Variants in GNB1 observed in about 807,000 individuals in gnomAD.
GNB1 encodes the protein G protein subunit beta 1.
A neutral mutation model predicts 42.9 loss-of-function variants in GNB1; 2 were observed. The ratio of observed to expected loss-of-function variants is 0.05; its 90% confidence interval spans 0.02 to 0.15. GNB1 has a LOEUF of 0.15. GNB1 is among the 10% of genes least tolerant of loss of function. GNB1 has a pLI of 1.00. For synonymous variants in GNB1, 183 were observed against 174.7 expected, an observed-to-expected ratio of 1.05 and a Z score of -0.38; for missense variants, 193 against 462.2, an observed-to-expected ratio of 0.42 and a Z score of 5.34.
rs754181534 is a variant in GNB1, at chr1:1,806,487, G to A, written c.255C>T (p.Tyr85=). Residue 85 remains tyrosine, a synonymous_variant, in exon 6 of 12, where the codon TAC becomes TAT. Transcript: ENST00000378609. ...QDGKLIIWDS[Y]TTNKVHAIPL... is the part of the protein sequence containing the mutation. ...CTCCAGTCCCTACCTTGTTGGTGGT[G>A]TAGCTGTCCCAGATGATAAGTTTAC... The A allele has an allele frequency of 1.3e-5, 21 of 1,605,738 alleles. No homozygotes were observed. The highest frequency in any genetic ancestry group is 2.2e-5 in the East Asian group (1 of 44,872).
chr1:1,805,313 A>T (rs1454734009), intron 6 of GNB1, among the ~76,000 whole-genome samples: 1 of 151,396 alleles, frequency 6.6e-6, no homozygotes, highest in Non-Finnish European at 1.5e-5. Context: ...TACAAAAATT[A>T]GCTGGGTGTG....
intron 3 of GNB1, among the ~76,000 whole-genome samples, chr1:1,824,066 C>G (rs1418005262): frequency 6.6e-6 from 1 of 152,096 alleles, no homozygotes; most frequent in East Asian, 1.9e-4. Context: ...GCTTCCTGTA[C>G]AGCGACACTC....
At chr1:1,833,901 C>G (rs1307767876) in intron 2 of GNB1, among the ~76,000 whole-genome samples, 1 of 152,126 alleles carries the variant, frequency 6.6e-6, no homozygotes, top group African/African-American at 2.4e-5. Flanking sequence ...GACCAAAGCT[C>G]TAGAACTAGA....
At chr1:1,818,603 C>T (rs1646888697) in intron 3 of GNB1, among the ~76,000 whole-genome samples, 3 of 152,126 alleles carry the variant, frequency 2.0e-5, no homozygotes, top group South Asian at 4.1e-4. Flanking sequence ...TGGCTGACAC[C>T]TATAATCCCA....
In GNB1 at chr1:1,821,850, A is replaced by ATTTG. The variant is rs1350917573; in HGVS notation, c.57+3543_57+3546dup. On this transcript the variant is annotated intron_variant, in intron 3 of 11. Transcript: ENST00000378609. The stretch of plus-strand genomic sequence containing the variant: ...TTTTAGATATACTGCCTTAGATAAA[A>ATTTG]TTTGTTGGGCCAGGCATGGTGGTTC... Among the ~76,000 whole-genome samples the ATTTG allele has an allele frequency of 7.2e-5, 11 of 152,318 alleles. No individual in the cohort carries two copies. In the East Asian group the frequency reaches 1.9e-3, roughly 27 times the overall value.
chr1:1,807,395 C>T (rs564981745), intron 5 of GNB1, among the ~76,000 whole-genome samples: 2 of 122,332 alleles, frequency 1.6e-5, no homozygotes, highest in East Asian at 5.7e-4. Flanking sequence ...ACCCAGGAGG[C>T]GGGGGTTGCA....
intron 3 of GNB1, among the ~76,000 whole-genome samples, chr1:1,821,673 T>G (rs1646931544): frequency 6.6e-6 from 1 of 152,194 alleles, no homozygotes; most frequent in South Asian, 2.1e-4. Flanking sequence ...ACAAAGCAGC[T>G]AGGCGCCTCT....
chr1:1,788,842 G>A (rs78460602), intron 10 of GNB1: 9 of 531,298 alleles, frequency 1.7e-5, no homozygotes, highest in Admixed American at 3.1e-5. Flanking sequence ...AGCCCTCCCC[G>A]ACGCATGTGG....
chr1:1,841,291 C>T (rs1397234917), intron 1 of GNB1, among the ~76,000 whole-genome samples: 5 of 151,448 alleles, frequency 3.3e-5, no homozygotes, highest in African/African-American at 9.7e-5. Context: ...CAGGTTCCAG[C>T]GATTTTCCTG....
chr1:1,832,036 C>T (rs1489475641), intron 2 of GNB1, among the ~76,000 whole-genome samples: 1 of 143,172 alleles, frequency 7.0e-6, no homozygotes, highest in African/African-American at 2.6e-5. Flanking sequence ...ACACTCTAGC[C>T]TGAGCACATG....
In GNB1 at chr1:1,789,289, C is replaced by G. The variant is rs762017151; in HGVS notation, c.700-20G>C. The G allele has an allele frequency of 4.3e-6, 6 of 1,389,024 alleles. No homozygotes were observed. The South Asian group carries it at 6.9e-5, about 16-fold the overall frequency. The allele number at this position is 1,389,024 out of a possible 1,614,324, so 86.0% of individuals were successfully genotyped here. ...AAAGAACTGGAAAGAGAAAGCAAATCAAGACATCATGTAAACGCTCAGAAA... is the reference window on the plus strand; with the variant it reads ...AAAGAACTGGAAAGAGAAAGCAAATGAAGACATCATGTAAACGCTCAGAAA... On this transcript the variant is annotated intron_variant, in intron 9 of 11. Coordinates refer to ENST00000378609, the MANE Select transcript of GNB1 (RefSeq NM_002074.5).
At position 1,835,652 on chromosome 1, in the gene GNB1, T is replaced by C. The variant is rs899020979; in HGVS notation, c.-47+3538A>G. On this transcript the variant is annotated intron_variant, in intron 2 of 11. Transcript: ENST00000378609. ...AGTGGAGTTAATCAGATAGATGTGATACTTTGAAATCTGTGCATGTTGTTA... is the reference window on the plus strand; with the variant it reads ...AGTGGAGTTAATCAGATAGATGTGACACTTTGAAATCTGTGCATGTTGTTA... 2.4e-4 allele frequency among the ~76,000 whole-genome samples: 36 copies of C among 152,148 alleles called. 1 individual carries two copies. Among genetic ancestry groups the C allele is most frequent in the Admixed American group, 1.9e-3 (29 of 15,268 alleles).
chr1:1,797,795 C>T (rs533149195), intron 7 of GNB1, among the ~76,000 whole-genome samples: 27 of 152,346 alleles, frequency 1.8e-4, no homozygotes, highest in African/African-American at 5.5e-4. Flanking sequence ...CCTACCTGCA[C>T]CCTGGAGAAC....
At chr1:1,865,025 G>A (rs928193458) in intron 1 of GNB1, among the ~76,000 whole-genome samples, 1 of 152,162 alleles carries the variant, frequency 6.6e-6, no homozygotes, top group Non-Finnish European at 1.5e-5. Context: ...CACTTTGGGA[G>A]GCTGAGGCGG....
chr1:1,815,843 G>T lies in GNB1; in HGVS notation c.116C>A (p.Pro39Gln). ...CGTGCGCATTTGGATTCTTCCCACT[G>T]GGTCGATGTTGTTTGTGATCTTGAA... ...TLSQITNNIDPVGRIQMRTRR... is the reference protein window; with the variant it reads ...TLSQITNNIDQVGRIQMRTRR... The change falls in exon 5 of 12, where the codon CCA (proline) becomes CAA (glutamine). Residue 39 changes from proline to glutamine, a missense_variant. Around this residue, in one of 2 missense-constraint regions of GNB1, gnomAD observed 43 missense variants for 51.5 expected, o/e 0.84. Coordinates refer to ENST00000378609, the MANE Select transcript of GNB1 (RefSeq NM_002074.5). The T allele has an allele frequency of 6.2e-7, 1 of 1,601,798 alleles. No individual in the cohort carries two copies. Among genetic ancestry groups the T allele is most frequent in the Non-Finnish European group, 8.6e-7 (1 of 1,168,766 alleles).
At chr1:1,818,144 A>G (rs1646881955) in intron 3 of GNB1, 3 of 316,156 alleles carry the variant, frequency 9.5e-6, no homozygotes, top group African/African-American at 2.1e-5. Context: ...AGCTGTGGCC[A>G]GCACCGAGGA....
chr1:1,879,429 G>A (rs561977139), intron 1 of GNB1, among the ~76,000 whole-genome samples: 7 of 152,272 alleles, frequency 4.6e-5, no homozygotes, highest in South Asian at 2.1e-4. Flanking sequence ...TTTCTAGGCC[G>A]GGCGCAGTGG....
chr1:1,882,617 T>C (rs1396584856), intron 1 of GNB1, among the ~76,000 whole-genome samples: 1 of 150,956 alleles, frequency 6.6e-6, no homozygotes, highest in African/African-American at 2.4e-5. Flanking sequence ...GGAGGAGAAT[T>C]CTCTAAAAAA....
chr1:1,877,155 C>T (rs1020755973), intron 1 of GNB1, among the ~76,000 whole-genome samples: 2 of 151,796 alleles, frequency 1.3e-5, no homozygotes, highest in Admixed American at 6.6e-5. Context: ...ACAAAATTAG[C>T]CAGGCATGGT....
Sources: allele counts gnomAD v4.1 joint callset (sites outside exome capture counted in the v4.1 genomes callset), GRCh38; gene constraint gnomAD v4.1.1; regional missense constraint gnomAD v4.1.1; transcripts MANE v1.5; gene names NCBI Gene and HGNC (gene_info 2026-07-23, HGNC 2026-07-21).